The following CALN1 variants were observed in gnomAD, a reference collection of about 807,000 sequenced individuals.
CALN1 encodes calcium-binding protein 8.
In CALN1, 17 loss-of-function variants were observed where a neutral mutation model predicts 30.6. That is an observed-to-expected ratio of 0.56 (90% CI 0.38 to 0.83). The LOEUF (loss-of-function observed/expected upper bound fraction) is 0.83, where lower values mean the gene tolerates loss of function less well. Ranked by LOEUF, CALN1 falls within the 40% of genes least tolerant of loss-of-function variation. CALN1 has a pLI of 0.00. For missense variants in CALN1, 291 were observed against 354.9 expected (o/e 0.82, Z 1.45); for synonymous variants, 156 against 131.4 (o/e 1.19, Z -1.28).
chr7:72,057,383 CT>C (rs60838093), intron 4 of CALN1, among the ~76,000 whole-genome samples: 1,961 of 101,880 alleles, frequency 0.019, 25 homozygotes, highest in African/African-American at 0.057. Context: ...TTTAAATGTT[CT>C]TTTTTTTTTT....
At chr7:71,989,685 G>A (rs1798850702) in intron 5 of CALN1, among the ~76,000 whole-genome samples, 1 of 152,116 alleles carries the variant, frequency 6.6e-6, no homozygotes, top group African/African-American at 2.4e-5. Context: ...GAGGGTTGGA[G>A]GGGAGTTAGC....
At chr7:71,931,647 T>C (rs1276862675) in intron 5 of CALN1, among the ~76,000 whole-genome samples, 3 of 152,202 alleles carry the variant, frequency 2.0e-5, no homozygotes, top group Non-Finnish European at 4.4e-5. Context: ...CACGACATGG[T>C]AGTAGGTCAG....
rs11458809 is a variant in CALN1, at chr7:72,439,582, C to CTT, written c.-226+7458_-226+7459dup. 5.3e-3 allele frequency among the ~76,000 whole-genome samples: 763 copies of CTT among 143,748 alleles called. 9 individuals are homozygous for CTT. Among genetic ancestry groups the CTT allele is most frequent in the African/African-American group, 0.016 (641 of 39,224 alleles). 94.3% of individuals were successfully genotyped at this position (143,748 alleles called of 152,430 possible). A position where few individuals can be genotyped will look rare whatever the true frequency, so the allele number is the denominator to read the frequency against. ...AAGGTCTTTATCCTTGTCGTTTATT[C>CTT]TTTTTTTTTTTTTGAGATGGAGTCT... On this transcript the variant is annotated intron_variant, in intron 1 of 6. Transcript: ENST00000395276.
intron 5 of CALN1, among the ~76,000 whole-genome samples, chr7:71,845,697 C>A (rs546946533): frequency 1.3e-4 from 20 of 152,256 alleles, no homozygotes; most frequent in Middle Eastern, 3.4e-3. Context: ...CATCCAGCAC[C>A]CAGAATTCAG....
chr7:72,392,242 G>A (rs758126877), intron 2 of CALN1, among the ~76,000 whole-genome samples: 6 of 152,268 alleles, frequency 3.9e-5, no homozygotes, highest in South Asian at 4.2e-4. Context: ...AGCCATCTGC[G>A]TTTCTCCAAC....
At chr7:71,903,146 A>G (rs1003289732) in intron 5 of CALN1, among the ~76,000 whole-genome samples, 1 of 152,080 alleles carries the variant, frequency 6.6e-6, no homozygotes, top group Non-Finnish European at 1.5e-5. Context: ...CCACTATACA[A>G]TAAAACTGCA....
At chr7:72,201,250 G>T (rs1183584805) in intron 3 of CALN1, among the ~76,000 whole-genome samples, 4 of 152,150 alleles carry the variant, frequency 2.6e-5, no homozygotes, top group African/African-American at 9.7e-5. Flanking sequence ...ACAAAGATGG[G>T]AACAAGAGAT....
chr7:72,334,807 T>TA (rs1801903710), intron 2 of CALN1, among the ~76,000 whole-genome samples: 1 of 152,346 alleles, frequency 6.6e-6, no homozygotes, highest in East Asian at 1.9e-4. Context: ...ATACACCCAG[T>TA]AACCAACTTC....
At chr7:71,918,286 C>A (rs1024125669) in intron 5 of CALN1, among the ~76,000 whole-genome samples, 1 of 152,140 alleles carries the variant, frequency 6.6e-6, no homozygotes, top group African/African-American at 2.4e-5. Flanking sequence ...TGAAGACTCT[C>A]GAAGAGTCGT....
the CALN1 span, among the ~76,000 whole-genome samples, chr7:72,477,558 C>T: frequency 6.6e-6 from 1 of 152,118 alleles, no homozygotes; most frequent in African/African-American, 2.4e-5. Context: ...GCTGGGACTA[C>T]AGAAGAGCAA....
chr7:71,971,052 G>A (rs1797769365), intron 5 of CALN1, among the ~76,000 whole-genome samples: 1 of 152,180 alleles, frequency 6.6e-6, no homozygotes, highest in Non-Finnish European at 1.5e-5. Flanking sequence ...AAGCAATACT[G>A]CAATATGACT....
chr7:72,336,182 G>C (rs1447641482), intron 2 of CALN1, among the ~76,000 whole-genome samples: 1 of 152,210 alleles, frequency 6.6e-6, no homozygotes, highest in Non-Finnish European at 1.5e-5. Context: ...CTAGGGGCCG[G>C]AGGTGGAGAG....
At chr7:72,123,334 G>C (rs968305931) in intron 3 of CALN1, among the ~76,000 whole-genome samples, 15 of 152,172 alleles carry the variant, frequency 9.9e-5, no homozygotes, top group African/African-American at 3.6e-4. Flanking sequence ...TGGCACTGAG[G>C]TGTGGAACAA....
chr7:72,052,767 G>C (rs1243944122), intron 4 of CALN1, among the ~76,000 whole-genome samples: 2 of 152,208 alleles, frequency 1.3e-5, no homozygotes, highest in Non-Finnish European at 2.9e-5. Context: ...CAGAGACAGG[G>C]TGACTCAATG....
intron 3 of CALN1, among the ~76,000 whole-genome samples, chr7:72,195,666 C>T (rs1315430746): frequency 6.6e-6 from 1 of 152,166 alleles, no homozygotes; most frequent in Non-Finnish European, 1.5e-5. Flanking sequence ...AGGCATGAGC[C>T]ACTGTGCCCA....
intron 4 of CALN1, among the ~76,000 whole-genome samples, chr7:72,027,786 G>A (rs556294289): frequency 2.7e-5 from 4 of 147,308 alleles, no homozygotes; most frequent in South Asian, 2.2e-4. Flanking sequence ...GGCCGGGCGC[G>A]GTGGCTCACG....
chr7:72,279,766 G>T (rs1180303696), intron 2 of CALN1, among the ~76,000 whole-genome samples: 1 of 152,248 alleles, frequency 6.6e-6, no homozygotes, highest in Non-Finnish European at 1.5e-5. Context: ...GGCCCAACTT[G>T]TCTAATGATG....
At chr7:72,388,484 A>C (rs1439168314) in intron 2 of CALN1, among the ~76,000 whole-genome samples, 1 of 152,148 alleles carries the variant, frequency 6.6e-6, no homozygotes, top group Non-Finnish European at 1.5e-5. Flanking sequence ...CTTAATAATA[A>C]TGTATCAAAG....
At chr7:71,938,464 G>T (rs935428114) in intron 5 of CALN1, among the ~76,000 whole-genome samples, 4 of 152,092 alleles carry the variant, frequency 2.6e-5, no homozygotes, top group African/African-American at 9.7e-5. Context: ...GTGTCTGAGA[G>T]TGGGGCGGGG....
Sources: allele counts gnomAD v4.1 joint callset (sites outside exome capture counted in the v4.1 genomes callset), GRCh38; gene constraint gnomAD v4.1.1; transcripts MANE v1.5; gene names NCBI Gene and HGNC (gene_info 2026-07-23, HGNC 2026-07-21).